MCC: variants seen among roughly 807,000 people sequenced by gnomAD.
MCC encodes colorectal mutant cancer protein.
MCC carries 90 observed loss-of-function variants against 116.2 expected under a neutral mutation model. That is an observed-to-expected ratio of 0.77 (90% CI 0.65 to 0.92). MCC has a LOEUF of 0.92. Among genes scored for constraint, MCC ranks in the 40% least tolerant of loss-of-function variants. The pLI, the probability that MCC is intolerant of heterozygous loss-of-function variation, is 0.00. For synonymous variants in MCC, 578 were observed against 510.5 expected, an observed-to-expected ratio of 1.13 and a Z score of -1.78; for missense variants, 1,516 against 1,312.2, an observed-to-expected ratio of 1.16 and a Z score of -2.40.
intron 3 of MCC, among the ~76,000 whole-genome samples, chr5:113,324,635 T>C (rs945696494): frequency 6.6e-6 from 1 of 152,048 alleles, no homozygotes; most frequent in Non-Finnish European, 1.5e-5. Flanking sequence ...AAGAAGAAAA[T>C]AGATGGCATG....
chr5:113,101,641 T>C lies in MCC; in HGVS notation c.1398+98A>G, dbSNP rs550042311. 1.1e-5 allele frequency: 14 copies of C among 1,263,110 alleles called. No individual in the cohort carries two copies. In the African/African-American group the frequency reaches 1.9e-4, roughly 17 times the overall value. 78.2% of individuals were successfully genotyped at this position (1,263,110 alleles called of 1,614,324 possible). On this transcript the variant is annotated intron_variant, in intron 8 of 18. Transcript: ENST00000408903. The stretch of plus-strand genomic sequence containing the variant: ...AGACAGTGATTCCCAAAATTACAAA[T>C]GCCACAAAATTCTCACGGTGCCCCT...
At chr5:113,435,925 A>G (rs1770844482) in intron 1 of MCC, 1 of 152,426 alleles carries the variant, frequency 6.6e-6, no homozygotes, top group African/African-American at 2.4e-5. Flanking sequence ...GACAGCAACC[A>G]TCATTTCTTC....
intron 17 of MCC, among the ~76,000 whole-genome samples, chr5:113,029,656 A>G (rs1750821663): frequency 6.6e-6 from 1 of 152,200 alleles, no homozygotes; most frequent in African/African-American, 2.4e-5. Context: ...AGTTCTGTGG[A>G]TCCTCTACTA....
At chr5:113,056,546 G>A (rs1752844158) in intron 14 of MCC, among the ~76,000 whole-genome samples, 1 of 152,050 alleles carries the variant, frequency 6.6e-6, no homozygotes, top group African/African-American at 2.4e-5. Context: ...ACACAAAGAG[G>A]GGAACAACAA....
intron 3 of MCC, among the ~76,000 whole-genome samples, chr5:113,226,222 C>A (rs1054689740): frequency 1.5e-4 from 23 of 152,156 alleles, no homozygotes; most frequent in Non-Finnish European, 2.1e-4. Flanking sequence ...ACACAAGAAA[C>A]CTTTCTGGAG....
chr5:113,270,068 A>T (rs1765555051), intron 3 of MCC, among the ~76,000 whole-genome samples: 1 of 152,196 alleles, frequency 6.6e-6, no homozygotes, highest in Non-Finnish European at 1.5e-5. Context: ...ACTTTCTTTC[A>T]TTTACAACAG....
intron 2 of MCC, among the ~76,000 whole-genome samples, chr5:113,377,924 GA>G (rs577584009): frequency 4.7e-5 from 7 of 149,764 alleles, no homozygotes; most frequent in Admixed American, 1.3e-4. Context: ...CAACAAAAAT[GA>G]AAAAAAAACC....
chr5:113,488,182 G>C, intron 1 of MCC, 63 bp downstream of exon 1: 1 of 1,528,900 alleles, frequency 6.5e-7, no homozygotes, highest in South Asian at 1.2e-5. Context: ...GCAGAGCAGG[G>C]GTCAAGGGCG....
chr5:113,224,125 C>T (rs1763647972), intron 3 of MCC, among the ~76,000 whole-genome samples: 1 of 152,152 alleles, frequency 6.6e-6, no homozygotes. Context: ...CTCACTCACT[C>T]ACTCTGTCAC....
rs1166175422 is a variant in MCC at position 113,047,035 on chromosome 5, C to T, written c.2655+2058G>A. Among the ~76,000 whole-genome samples the T allele has an allele frequency of 3.9e-5, 6 of 152,346 alleles. 1 individual carries two copies. Among genetic ancestry groups the T allele is most frequent in the East Asian group, 1.9e-4 (1 of 5,184 alleles). ...AGCCTAAGGGCACCTCTTCTCTCCC[C>T]TGGCCCTCCACCTGCCCCTCTTCAA... On this transcript the variant is annotated intron_variant, in intron 16 of 18. Coordinates refer to ENST00000408903, the MANE Select transcript of MCC (RefSeq NM_001085377.2).
chr5:113,054,991 T>C (rs1248137963), intron 14 of MCC, among the ~76,000 whole-genome samples: 3 of 152,206 alleles, frequency 2.0e-5, no homozygotes, highest in African/African-American at 7.2e-5. Flanking sequence ...GCAGTTTCTC[T>C]GCACTTGCAC....
chr5:113,431,604 C>G (rs578238344), intron 1 of MCC, among the ~76,000 whole-genome samples: 1 of 152,126 alleles, frequency 6.6e-6, no homozygotes, highest in Non-Finnish European at 1.5e-5. Context: ...AGATGCTGTT[C>G]AGGGACACCT....
chr5:113,452,834 C>G (rs1292159542), intron 1 of MCC, among the ~76,000 whole-genome samples: 1 of 152,188 alleles, frequency 6.6e-6, no homozygotes. Context: ...CCCATTTGGT[C>G]TCAGGTGATG....
intron 3 of MCC, among the ~76,000 whole-genome samples, chr5:113,268,798 T>A (rs1765508183): frequency 6.6e-6 from 1 of 152,228 alleles, no homozygotes; most frequent in African/African-American, 2.4e-5. Context: ...TTAACAAGCA[T>A]CTAGAATGTC....
At chr5:113,297,723 C>G (rs13182700) in intron 3 of MCC, among the ~76,000 whole-genome samples, 55,332 of 141,646 alleles carry the variant, frequency 0.39, 14,515 homozygotes, top group African/African-American at 0.75. Flanking sequence ...CTGCACTCCA[C>G]CCTGGGTGAC....
At chr5:113,136,589 T>C (rs1357490136) in intron 5 of MCC, among the ~76,000 whole-genome samples, 2 of 152,202 alleles carry the variant, frequency 1.3e-5, no homozygotes, top group African/African-American at 4.8e-5. Context: ...CCTTTTTAGA[T>C]CTAAAATTTA....
At chr5:113,105,409 A>T (rs1262159342) in intron 6 of MCC, among the ~76,000 whole-genome samples, 2 of 152,194 alleles carry the variant, frequency 1.3e-5, no homozygotes, top group Non-Finnish European at 2.9e-5. Context: ...GTTTTAGTCA[A>T]CCTCATCTGG....
At chr5:113,239,917 C>CT (rs1764298456) in intron 3 of MCC, among the ~76,000 whole-genome samples, 1 of 152,178 alleles carries the variant, frequency 6.6e-6, no homozygotes, top group African/African-American at 2.4e-5. Context: ...ATTTAGGTGA[C>CT]TGAGTCTCCA....
At chr5:113,259,732 A>G (rs954885421) in intron 3 of MCC, among the ~76,000 whole-genome samples, 1 of 152,068 alleles carries the variant, frequency 6.6e-6, no homozygotes, top group Admixed American at 6.6e-5. Context: ...TTGGAACACT[A>G]AGCTTGTGGG....
Sources: allele counts gnomAD v4.1 joint callset (sites outside exome capture counted in the v4.1 genomes callset), GRCh38; gene constraint gnomAD v4.1.1; transcripts MANE v1.5; gene names NCBI Gene and HGNC (gene_info 2026-07-23, HGNC 2026-07-21).